GGA1: variants seen among roughly 807,000 people sequenced by gnomAD.
The protein encoded by GGA1 is golgi associated, gamma adaptin ear containing, ARF binding protein 1, also known as ADP-ribosylation factor-binding protein GGA1.
A neutral mutation model predicts 76.9 loss-of-function variants in GGA1; 18 were observed. That is an observed-to-expected ratio of 0.23 (90% CI 0.16 to 0.35). The LOEUF (loss-of-function observed/expected upper bound fraction) is 0.35, where lower values mean the gene tolerates loss of function less well. GGA1 is among the 10% of genes least tolerant of loss of function. The pLI is 1.00. For missense variants in GGA1, 755 were observed against 859.0 expected (o/e 0.88, Z 1.51); for synonymous variants, 342 against 354.7 (o/e 0.96, Z 0.40).
rs749961784 is a variant in GGA1, at chr22:37,614,259, A to G, written c.113A>G (p.Asn38Ser). The change falls in exon 2 of 17, where the codon AAC becomes AGC. Residue 38 changes from asparagine (N) to serine (S), a missense_variant. Coordinates refer to ENST00000343632, the MANE Select transcript of GGA1 (RefSeq NM_013365.5). ...ATCAACGGCTTCTGCGAGCAGCTCAACGAGGACTTTGAGGGGTAGGTGGCC... is the reference window on the plus strand; with the variant it reads ...ATCAACGGCTTCTGCGAGCAGCTCAGCGAGGACTTTGAGGGGTAGGTGGCC... ...ASINGFCEQL[N>S]EDFEGPPLAT... is the part of the protein sequence containing the mutation. 6.2e-6 allele frequency: 10 copies of G among 1,613,280 alleles called. No individual in the cohort carries two copies. The highest frequency in any genetic ancestry group is 4.5e-5 in the East Asian group (2 of 44,864).
At chr22:37,618,645 A>C in intron 4 of GGA1, 99 bp downstream of exon 4, 2 of 708,656 alleles carry the variant, frequency 2.8e-6, no homozygotes, top group Non-Finnish European at 5.1e-6. Context: ...GGAGCCTCCC[A>C]CTGGGGTGTC....
chr22:37,631,382 GACAC>G (rs1401299477), intron 14 of GGA1, among the ~76,000 whole-genome samples: 1 of 152,186 alleles, frequency 6.6e-6, no homozygotes, highest in Non-Finnish European at 1.5e-5. Context: ...CAGGGCCCAG[GACAC>G]AGAGAGGTTT....
intron 6 of GGA1, 26 bp downstream of exon 6, chr22:37,620,939 G>C: frequency 7.1e-7 from 1 of 1,415,136 alleles, no homozygotes; most frequent in Non-Finnish European, 1.0e-6. Flanking sequence ...GGCACATATG[G>C]GGACTCTGAG....
In GGA1 at chr22:37,632,738, G is replaced by A. The variant is rs376994676; in HGVS notation, c.*27G>A. 1.5e-6 allele frequency: 2 copies of A among 1,337,088 alleles called. No individual in the cohort carries two copies. 82.8% of individuals were successfully genotyped at this position (1,337,088 alleles called of 1,614,324 possible). A position where few individuals can be genotyped will look rare whatever the true frequency, so the allele number is the denominator to read the frequency against. On this transcript the variant is annotated 3_prime_UTR_variant, in exon 17 of 17. Transcript: ENST00000343632. The surrounding 1 kb of genome is among the most constrained non-coding windows in gnomAD (Gnocchi z 5.1). Reference sequence around the variant, plus strand: ...ACAGAGGGGCTGGGGAGAGGAAGGGGCAGAGGGACCGGTCACTGTCCAGCC... The same window carrying A: ...ACAGAGGGGCTGGGGAGAGGAAGGGACAGAGGGACCGGTCACTGTCCAGCC...
At chr22:37,615,821 G>C (rs996057042) in intron 2 of GGA1, among the ~76,000 whole-genome samples, 2 of 151,762 alleles carry the variant, frequency 1.3e-5, no homozygotes, top group African/African-American at 2.4e-5. Context: ...CTGTCCAGTG[G>C]GGGGTTGGGA....
intron 14 of GGA1, among the ~76,000 whole-genome samples, chr22:37,631,659 G>A (rs973393328): frequency 3.3e-5 from 5 of 152,156 alleles, no homozygotes; most frequent in African/African-American, 4.8e-5. Flanking sequence ...AGTGACTGCC[G>A]CAAGGTCACA....
chr22:37,614,221 C>T lies in GGA1; in HGVS notation c.75C>T (p.Leu25=), dbSNP rs778002231. 9.3e-6 allele frequency: 15 copies of T among 1,613,694 alleles called. No individual in the cohort carries two copies. The highest frequency in any genetic ancestry group is 1.6e-4 in the Middle Eastern group (1 of 6,084). ...CCACGAACCCCCTGAACAAGGAGCT[C>T]GACTGGGCCAGCATCAACGGCTTCT... ...NRATNPLNKE[L]DWASINGFCE... Residue 25 remains leucine, a synonymous_variant, in exon 2 of 17, where the codon CTC becomes CTT. Transcript: ENST00000343632.
Position 37,630,966 on chromosome 22 carries a change from C to T in GGA1, c.1395C>T (p.Cys465=). Residue 465 remains cysteine (C), a synonymous_variant, in exon 14 of 17, where the codon TGC becomes TGT. Transcript: ENST00000343632. The part of the protein sequence containing the change: ...LRDLQNKSSS[C]SSPSSSATSL... ...ACCTGCAGAATAAGAGCAGCAGCTG[C>T]AGCTCCCCCAGCTCCAGCGCCACCA... 1.2e-6 allele frequency: 2 copies of T among 1,612,938 alleles called. No homozygotes were observed. The highest frequency in any genetic ancestry group is 1.7e-6 in the Non-Finnish European group (2 of 1,179,462).
chr22:37,628,408 C>A (rs182301413), intron 11 of GGA1, among the ~76,000 whole-genome samples: 1 of 152,334 alleles, frequency 6.6e-6, no homozygotes, highest in Non-Finnish European at 1.5e-5. Flanking sequence ...CAATATCACA[C>A]AGCCAAGTGG....
chr22:37,611,297 C>T (rs1453787896), intron 1 of GGA1, among the ~76,000 whole-genome samples: 1 of 152,156 alleles, frequency 6.6e-6, no homozygotes, highest in African/African-American at 2.4e-5. Context: ...TCCTTCCGAT[C>T]TCAGCTCAGC....
Position 37,621,715 on chromosome 22 carries a change from G to C in GGA1, c.609+19G>C, listed in dbSNP as rs1929928687. On this transcript the variant is annotated intron_variant, in intron 7 of 16. Coordinates refer to ENST00000343632, the MANE Select transcript of GGA1 (RefSeq NM_013365.5). ...GCAGGAGGTAGCGGCCGAGCCCAGAGCACAGGGAGGAGGCGGGATGGGGGT... is the reference window on the plus strand; with the variant it reads ...GCAGGAGGTAGCGGCCGAGCCCAGACCACAGGGAGGAGGCGGGATGGGGGT... The C allele has an allele frequency of 6.6e-7, 1 of 1,526,306 alleles. No homozygotes were observed. Among genetic ancestry groups the C allele is most frequent in the Admixed American group, 2.0e-5 (1 of 50,902 alleles). 94.5% of individuals were successfully genotyped at this position (1,526,306 alleles called of 1,614,324 possible).
At chr22:37,617,755 C>T (rs1296766791) in intron 3 of GGA1, 1 of 887,548 alleles carries the variant, frequency 1.1e-6, no homozygotes, top group Non-Finnish European at 1.3e-6. Flanking sequence ...TCAAGTATAA[C>T]TAGTCCTATG....
rs1930356942 is a variant in GGA1, at chr22:37,623,951, A to G, written c.832+318A>G. 6.3e-6 allele frequency: 2 copies of G among 316,428 alleles called. No homozygotes were observed. The highest frequency in any genetic ancestry group is 1.2e-5 in the Non-Finnish European group (2 of 165,106). 19.6% of individuals were successfully genotyped at this position (316,428 alleles called of 1,614,324 possible). ...ACTTGCCCAGATCACAGAGCAGAAC[A>G]GTGGCAGAGCCAGGGGAGACGGAGG... On this transcript the variant is annotated intron_variant, in intron 9 of 16. Transcript: ENST00000343632. The surrounding 1 kb of genome is among the most constrained non-coding windows in gnomAD (Gnocchi z 4.6).
At chr22:37,609,386 T>C (rs1927046284) in intron 1 of GGA1, 1 of 1,031,180 alleles carries the variant, frequency 9.7e-7, no homozygotes, top group African/African-American at 1.8e-5. Flanking sequence ...CATTACCCCG[T>C]CCTGGAAGGG....
At chr22:37,611,669 C>T (rs757120407) in intron 1 of GGA1, among the ~76,000 whole-genome samples, 8 of 152,184 alleles carry the variant, frequency 5.3e-5, no homozygotes, top group Non-Finnish European at 1.0e-4. Context: ...CAGTCCCCAG[C>T]CTCCTGTCCA....
chr22:37,611,555 A>G lies in GGA1; in HGVS notation c.44-2635A>G, dbSNP rs959356463. ...CACTGCTGGAGCCCCAGCACCCAGAATACTTAAATCTGAGTTGGATGAATG... is the reference window on the plus strand; with the variant it reads ...CACTGCTGGAGCCCCAGCACCCAGAGTACTTAAATCTGAGTTGGATGAATG... On this transcript the variant is annotated intron_variant, in intron 1 of 16. Transcript: ENST00000343632. Among the ~76,000 whole-genome samples the G allele has an allele frequency of 2.6e-5, 4 of 152,226 alleles. No individual in the cohort carries two copies. In the East Asian group the frequency reaches 7.7e-4, roughly 29 times the overall value.
intron 11 of GGA1, among the ~76,000 whole-genome samples, chr22:37,628,437 C>T (rs1346709827): frequency 6.6e-6 from 1 of 152,196 alleles, no homozygotes; most frequent in Admixed American, 6.5e-5. Context: ...TGTTCAAATG[C>T]TGGCAGTCAG....
intron 1 of GGA1, chr22:37,612,757 G>A: frequency 4.5e-6 from 1 of 220,418 alleles, no homozygotes; most frequent in Non-Finnish European, 7.6e-6. Context: ...CTGGGCAACA[G>A]CGTGAGACTC....
intron 7 of GGA1, among the ~76,000 whole-genome samples, chr22:37,621,984 C>T (rs116537697): frequency 0.026 from 3,953 of 151,628 alleles, 170 homozygotes; most frequent in African/African-American, 0.091. Context: ...TTTAAAATTA[C>T]TTTTTAGTAT....
Sources: allele counts gnomAD v4.1 joint callset (sites outside exome capture counted in the v4.1 genomes callset), GRCh38; gene constraint gnomAD v4.1.1; non-coding constraint Gnocchi (gnomAD v3.1); transcripts MANE v1.5; gene names NCBI Gene and HGNC (gene_info 2026-07-23, HGNC 2026-07-21).